Variants in KANSL1 observed in about 807,000 individuals in gnomAD.
The protein encoded by KANSL1 is KAT8 regulatory NSL complex subunit 1.
KANSL1 carries 22 observed loss-of-function variants against 103.6 expected under a neutral mutation model. That is an observed-to-expected ratio of 0.21 (90% CI 0.15 to 0.30). The LOEUF is 0.30. Among genes scored for constraint, KANSL1 ranks in the 10% least tolerant of loss-of-function variants. The pLI, the probability that KANSL1 is intolerant of heterozygous loss-of-function variation, is 1.00. For missense variants in KANSL1, 1,337 were observed against 1,399.8 expected (o/e 0.96, Z 0.72); for synonymous variants, 600 against 527.6 (o/e 1.14, Z -1.88).
intron 3 of KANSL1, chr17:46,093,027 T>C (rs2079473679): frequency 6.6e-6 from 1 of 152,204 alleles, no homozygotes; most frequent in Non-Finnish European, 1.5e-5. Flanking sequence ...TATTTATGAA[T>C]GTATATAAAA....
intron 1 of KANSL1, among the ~76,000 whole-genome samples, chr17:46,188,476 A>C (rs1265829171): frequency 6.6e-6 from 1 of 152,260 alleles, no homozygotes; most frequent in African/African-American, 2.4e-5. Context: ...CTTAAAACAG[A>C]CTTCCAAGAA....
At chr17:46,126,545 A>T (rs889046823) in intron 2 of KANSL1, among the ~76,000 whole-genome samples, 1 of 152,228 alleles carries the variant, frequency 6.6e-6, no homozygotes, top group African/African-American at 2.4e-5. Flanking sequence ...TATGTCAAGG[A>T]GATATACTAT....
In KANSL1 at chr17:46,050,164, C is replaced by T. The variant is rs1598482080; in HGVS notation, c.2020+369G>A. The T allele has an allele frequency of 2.1e-5, 4 of 190,770 alleles. No individual in the cohort carries two copies. In the South Asian group the frequency reaches 3.6e-4, roughly 17 times the overall value. 11.8% of individuals were successfully genotyped at this position (190,770 alleles called of 1,614,324 possible). On this transcript the variant is annotated intron_variant, in intron 7 of 14. Transcript: ENST00000432791. ...CTCCTGACCTCAGGTGATCCGTCCA[C>T]CTCAGCCTCCCAAAGTGCTGGGATT...
intron 1 of KANSL1, among the ~76,000 whole-genome samples, chr17:46,181,824 G>T (rs1161232430): frequency 6.6e-6 from 1 of 152,008 alleles, no homozygotes; most frequent in Non-Finnish European, 1.5e-5. Flanking sequence ...ACTCCCCACA[G>T]ATTCCCAACT....
Position 46,032,129 on chromosome 17 carries a change from G to A in KANSL1, c.3008C>T (p.Thr1003Ile), listed in dbSNP as rs775516828. The change falls in exon 14 of 15, where the codon ACC (threonine) becomes ATC (isoleucine). Residue 1003 changes from threonine to isoleucine, a missense_variant. Thr to Ile is a moderately conservative substitution (Grantham distance 89). This residue lies in a region of KANSL1 where 780 missense variants were observed against 923.4 expected (regional missense o/e 0.84). Coordinates refer to ENST00000432791, the MANE Select transcript of KANSL1 (RefSeq NM_015443.4). ...ISPELHSAPL[T>I]PVARDTPRHL... is the part of the protein sequence containing the mutation. ...TCGCGGAGTGTCCCGAGCCACAGGG[G>A]TGAGGGGTGCTGAGTGCAGTTCCGG... The A allele has an allele frequency of 2.5e-6, 4 of 1,614,040 alleles. No individual in the cohort carries two copies. Among genetic ancestry groups the A allele is most frequent in the African/African-American group, 2.7e-5 (2 of 74,928 alleles).
At chr17:46,136,654 G>A (rs968831926) in intron 2 of KANSL1, among the ~76,000 whole-genome samples, 23 of 152,182 alleles carry the variant, frequency 1.5e-4, no homozygotes, top group East Asian at 1.3e-3. Flanking sequence ...TAGGTTCCAC[G>A]TTTCCAAAAA....
intron 2 of KANSL1, among the ~76,000 whole-genome samples, chr17:46,136,036 C>G (rs1279404363): frequency 1.3e-5 from 2 of 152,086 alleles, no homozygotes; most frequent in Non-Finnish European, 2.9e-5. Flanking sequence ...TGTTCCTACA[C>G]TAGTTTAAAA....
chr17:46,077,486 T>A (rs932672015), intron 4 of KANSL1, among the ~76,000 whole-genome samples: 2 of 152,240 alleles, frequency 1.3e-5, no homozygotes, highest in African/African-American at 2.4e-5. Context: ...GAATAAGGTC[T>A]TCACCTTTGA....
upstream of KANSL1, among the ~76,000 whole-genome samples, chr17:46,195,053 T>C (rs1041057885): frequency 3.9e-5 from 6 of 152,280 alleles, no homozygotes; most frequent in African/African-American, 1.4e-4. Flanking sequence ...CTTGGATTTT[T>C]AATTTACAAC....
chr17:46,120,889 T>A (rs2043250347), intron 2 of KANSL1, among the ~76,000 whole-genome samples: 1 of 152,282 alleles, frequency 6.6e-6, no homozygotes, highest in South Asian at 2.1e-4. Context: ...TGTTTCAGCA[T>A]CTCATTATCT....
rs150225895 is a variant in KANSL1, at chr17:46,170,837, T to C, written c.1289+18A>G. ...CCAACATTTCTCAAGAATGCTATCA[T>C]GCATGAGGTCTACTCACAGGGGTAC... On this transcript the variant is annotated intron_variant, in intron 2 of 14. Transcript: ENST00000432791. The C allele has an allele frequency of 3.8e-3, 5,976 of 1,570,798 alleles. 16 individuals are homozygous for C. Among genetic ancestry groups the C allele is most frequent in the Non-Finnish European group, 4.5e-3 (5,276 of 1,159,628 alleles).
intron 11 of KANSL1, 102 bp from the exon 12 acceptor site, chr17:46,033,562 G>T: frequency 2.2e-6 from 2 of 922,770 alleles, no homozygotes; most frequent in Non-Finnish European, 3.5e-6. Context: ...ACCTGTGGGT[G>T]ACACTGCTCT....
At chr17:46,204,087 C>T (rs1471220974) in intron 1 of KANSL1, among the ~76,000 whole-genome samples, 1 of 152,152 alleles carries the variant, frequency 6.6e-6, no homozygotes, top group African/African-American at 2.4e-5. Flanking sequence ...GAGGCTGAGA[C>T]AGGAGGAGTG....
At chr17:46,061,718 A>G (rs952412793) in intron 6 of KANSL1, among the ~76,000 whole-genome samples, 1 of 152,170 alleles carries the variant, frequency 6.6e-6, no homozygotes, top group African/African-American at 2.4e-5. Flanking sequence ...GAGGCCTTAG[A>G]CTATTATCTC....
chr17:46,181,805 G>A (rs557224705), intron 1 of KANSL1, among the ~76,000 whole-genome samples: 6 of 152,156 alleles, frequency 3.9e-5, no homozygotes, highest in East Asian at 3.9e-4. Flanking sequence ...CAATTGATAC[G>A]GACCCAGAAC....
intron 2 of KANSL1, among the ~76,000 whole-genome samples, chr17:46,154,855 T>C (rs1021540824): frequency 6.6e-6 from 1 of 152,220 alleles, no homozygotes; most frequent in Non-Finnish European, 1.5e-5. Flanking sequence ...TATTATTTTA[T>C]GATTATTTTA....
At chr17:46,217,040 G>A (rs1400000403) in intron 1 of KANSL1, among the ~76,000 whole-genome samples, 1 of 150,802 alleles carries the variant, frequency 6.6e-6, no homozygotes, top group African/African-American at 2.4e-5. Context: ...CCAGGGGTTA[G>A]GGGGCTGGAG....
intron 1 of KANSL1, among the ~76,000 whole-genome samples, chr17:46,189,953 T>G (rs890004707): frequency 6.8e-6 from 1 of 146,962 alleles, no homozygotes. Flanking sequence ...ACAAGGTAAC[T>G]AAGCTTTACT....
At chr17:46,211,350 CA>C (rs1270541875) in intron 1 of KANSL1, among the ~76,000 whole-genome samples, 2 of 151,960 alleles carry the variant, frequency 1.3e-5, no homozygotes, top group African/African-American at 2.4e-5. Context: ...TGTCTTGGGC[CA>C]CACATAAAAT....
Sources: gnomAD v4.1 joint callset for allele counts (sites outside exome capture counted in the v4.1 genomes callset) on GRCh38, gnomAD v4.1.1 for gene constraint, gnomAD v4.1.1 regional missense constraint, MANE v1.5 for transcripts, NCBI Gene and HGNC (gene_info 2026-07-23, HGNC 2026-07-21) for gene names.